Variants in MECOM observed in about 807,000 individuals in gnomAD.
The protein encoded by MECOM is histone-lysine N-methyltransferase MECOM.
In MECOM, 13 loss-of-function variants were observed where a neutral mutation model predicts 116.3. That is an observed-to-expected ratio of 0.11 (90% CI 0.07 to 0.18). The LOEUF is 0.18. Ranked by LOEUF, MECOM falls within the 10% of genes least tolerant of loss-of-function variation. The pLI is 1.00. For synonymous variants in MECOM, 528 were observed against 535.2 expected, an observed-to-expected ratio of 0.99 and a Z score of 0.19; for missense variants, 1,299 against 1,509.0, an observed-to-expected ratio of 0.86 and a Z score of 2.31.
chr3:169,225,027 A>G (rs1357571878), intron 2 of MECOM, among the ~76,000 whole-genome samples: 3 of 152,208 alleles, frequency 2.0e-5, no homozygotes, highest in Non-Finnish European at 4.4e-5. Context: ...ATACTTAAAT[A>G]TTTACCTAAC....
intron 1 of MECOM, among the ~76,000 whole-genome samples, chr3:169,534,808 G>A (rs1366403935): frequency 6.6e-6 from 1 of 152,138 alleles, no homozygotes; most frequent in East Asian, 1.9e-4. Context: ...TAGACCACTT[G>A]TACAAGTGGG....
At chr3:169,637,150 T>C (rs148182338) in intron 1 of MECOM, among the ~76,000 whole-genome samples, 246 of 152,272 alleles carry the variant, frequency 1.6e-3, no homozygotes, top group Middle Eastern at 0.014. Flanking sequence ...TATGCAAACA[T>C]TGATGTCCTC....
In MECOM at chr3:169,153,371, G is replaced by A. The variant is rs1299129070; in HGVS notation, c.376-9539C>T. Among the ~76,000 whole-genome samples, 3 of 151,878 alleles carry A rather than the reference G, an allele frequency of 2.0e-5. No homozygotes were observed. In the East Asian group the frequency reaches 5.8e-4, roughly 29 times the overall value. On this transcript the variant is annotated intron_variant, in intron 2 of 16. Coordinates refer to ENST00000651503, the MANE Select transcript of MECOM (RefSeq NM_004991.4). ...GACAACTGGTTGTTTTATATCACTA[G>A]GAAAAATTTACTATTATCTTTTTAT... is the stretch of plus-strand genomic sequence containing the variant.
At chr3:169,162,983 A>G (rs1172486759) in intron 2 of MECOM, among the ~76,000 whole-genome samples, 3 of 152,170 alleles carry the variant, frequency 2.0e-5, no homozygotes, top group Non-Finnish European at 4.4e-5. Context: ...ATTTTGTTTA[A>G]CAACCAAGGA....
intron 1 of MECOM, among the ~76,000 whole-genome samples, chr3:169,540,755 T>C (rs1759965275): frequency 6.6e-6 from 1 of 152,196 alleles, no homozygotes; most frequent in Non-Finnish European, 1.5e-5. Context: ...GCACATTTCA[T>C]GTTCTTTCAG....
At chr3:169,306,355 A>G (rs920947867) in intron 2 of MECOM, among the ~76,000 whole-genome samples, 1 of 152,214 alleles carries the variant, frequency 6.6e-6, no homozygotes, top group Non-Finnish European at 1.5e-5. Flanking sequence ...AAAACTTCCA[A>G]GAAATTAGAT....
chr3:169,125,496 T>C (rs1278247079), intron 5 of MECOM, among the ~76,000 whole-genome samples: 1 of 152,126 alleles, frequency 6.6e-6, no homozygotes, highest in Non-Finnish European at 1.5e-5. Flanking sequence ...TATGGTTTAA[T>C]TTTAAGAGTA....
rs145335749 is a variant in MECOM, at chr3:169,528,682, C to A, written c.37+134654G>T. Among the ~76,000 whole-genome samples the A allele has an allele frequency of 5.9e-5, 9 of 152,266 alleles. No individual in the cohort carries two copies. In the South Asian group the frequency reaches 1.9e-3, roughly 32 times the overall value. On this transcript the variant is annotated intron_variant, in intron 1 of 16. Coordinates refer to ENST00000651503, the MANE Select transcript of MECOM (RefSeq NM_004991.4). ...TTGAACTTCATTTATTTACAGATGG[C>A]CAAGTGGCTGTAAAGGCATTTGAAA...
intron 2 of MECOM, among the ~76,000 whole-genome samples, chr3:169,338,073 C>A (rs972131216): frequency 2.0e-5 from 3 of 152,106 alleles, no homozygotes; most frequent in Non-Finnish European, 2.9e-5. Flanking sequence ...TATTTGGTTG[C>A]GATATAATCA....
intron 2 of MECOM, among the ~76,000 whole-genome samples, chr3:169,233,907 T>C (rs748987698): frequency 1.4e-4 from 21 of 152,136 alleles, no homozygotes; most frequent in Non-Finnish European, 2.4e-4. Flanking sequence ...AAAATATATG[T>C]TGCTGCTTAT....
intron 2 of MECOM, among the ~76,000 whole-genome samples, chr3:169,360,022 T>C (rs1202279746): frequency 2.0e-5 from 3 of 151,712 alleles, no homozygotes; most frequent in Non-Finnish European, 4.4e-5. Context: ...CAGAGCCTCC[T>C]ATAACTGGTC....
intron 1 of MECOM, among the ~76,000 whole-genome samples, chr3:169,429,745 CCTCTTAGT>C (rs1741300420): frequency 6.6e-6 from 1 of 152,090 alleles, no homozygotes; most frequent in African/African-American, 2.4e-5. Context: ...GTCACTAATC[CCTCTTAGT>C]CTCCATGTCA....
intron 1 of MECOM, among the ~76,000 whole-genome samples, chr3:169,455,371 C>T (rs1280434603): frequency 1.3e-5 from 2 of 152,134 alleles, no homozygotes; most frequent in African/African-American, 2.4e-5. Context: ...GTTTATACTG[C>T]GCCACCTTTG....
chr3:169,598,596 C>T (rs543152930), intron 1 of MECOM, among the ~76,000 whole-genome samples: 3 of 152,230 alleles, frequency 2.0e-5, no homozygotes, highest in South Asian at 4.2e-4. Flanking sequence ...TCAATTCTAC[C>T]GCCACCTTGA....
At chr3:169,580,322 AC>A (rs1764986808) in intron 1 of MECOM, among the ~76,000 whole-genome samples, 1 of 152,122 alleles carries the variant, frequency 6.6e-6, no homozygotes, top group Non-Finnish European at 1.5e-5. Context: ...TGGACCCATC[AC>A]CCGAGCAGGG....
At chr3:169,576,724 C>G (rs1764536453) in intron 1 of MECOM, among the ~76,000 whole-genome samples, 1 of 151,396 alleles carries the variant, frequency 6.6e-6, no homozygotes, top group Non-Finnish European at 1.5e-5. Flanking sequence ...TGGAAAGGTT[C>G]AGTGATGCAT....
intron 2 of MECOM, among the ~76,000 whole-genome samples, chr3:169,271,336 G>A (rs1005925719): frequency 3.3e-5 from 5 of 152,172 alleles, no homozygotes; most frequent in Admixed American, 1.3e-4. Context: ...TCATCACCAG[G>A]CATATTTTTG....
intron 2 of MECOM, among the ~76,000 whole-genome samples, chr3:169,362,027 A>G (rs781389107): frequency 5.9e-5 from 9 of 151,958 alleles, no homozygotes; most frequent in Non-Finnish European, 1.3e-4. Flanking sequence ...TTTCAGATAT[A>G]TAAAACACAA....
chr3:169,651,168 G>A (rs1249389596), intron 1 of MECOM, among the ~76,000 whole-genome samples: 2 of 152,130 alleles, frequency 1.3e-5, no homozygotes, highest in South Asian at 2.1e-4. Flanking sequence ...AATGCTTTTA[G>A]TACATTGAGG....
Sources: gnomAD v4.1 joint callset for allele counts (sites outside exome capture counted in the v4.1 genomes callset) on GRCh38, gnomAD v4.1.1 for gene constraint, MANE v1.5 for transcripts, NCBI Gene and HGNC (gene_info 2026-07-23, HGNC 2026-07-21) for gene names.